SLC25A21: variants seen among roughly 807,000 people sequenced by gnomAD.
SLC25A21 encodes mitochondrial 2-oxodicarboxylate carrier.
Under a neutral mutation model 43.8 loss-of-function variants are expected in SLC25A21, and 47 were observed. That is an observed-to-expected ratio of 1.07 (90% CI 0.85 to 1.37). The LOEUF (loss-of-function observed/expected upper bound fraction) is 1.37. Ranked by LOEUF, SLC25A21 falls within the 40% of genes most tolerant of loss-of-function variation. The pLI, the probability that SLC25A21 is intolerant of heterozygous loss-of-function variation, is 0.00. For synonymous variants in SLC25A21, 131 were observed against 121.3 expected (o/e 1.08, Z -0.52); for missense variants, 352 against 350.2 (o/e 1.00, Z -0.04).
chr14:36,693,074 C>A (rs1395502936), intron 7 of SLC25A21, among the ~76,000 whole-genome samples: 1 of 152,204 alleles, frequency 6.6e-6, no homozygotes, highest in African/African-American at 2.4e-5. Flanking sequence ...CTTAAGGCTG[C>A]AAGCTGGAGG....
At chr14:37,002,442 G>T (rs181587789) in intron 1 of SLC25A21, among the ~76,000 whole-genome samples, 4 of 152,222 alleles carry the variant, frequency 2.6e-5, no homozygotes, top group African/African-American at 9.6e-5. Context: ...TCTGCATGTA[G>T]GATTTTCAGG....
At chr14:36,809,346 T>G (rs1888152624) in intron 3 of SLC25A21, among the ~76,000 whole-genome samples, 1 of 152,198 alleles carries the variant, frequency 6.6e-6, no homozygotes, top group African/African-American at 2.4e-5. Context: ...ACAGTGTCTT[T>G]TGTAAAAACT....
At chr14:37,102,619 T>A (rs1030802459) in intron 1 of SLC25A21, among the ~76,000 whole-genome samples, 9 of 152,038 alleles carry the variant, frequency 5.9e-5, no homozygotes, top group African/African-American at 2.2e-4. Context: ...AAATAAAAAA[T>A]TCAGAACTGA....
intron 5 of SLC25A21, 115 bp downstream of exon 5, chr14:36,729,392 A>G (rs1241396394): frequency 5.0e-6 from 4 of 800,414 alleles, no homozygotes; most frequent in Non-Finnish European, 7.6e-6. Context: ...TGAACACTGA[A>G]TAACTCGAAT....
At chr14:36,958,225 A>G (rs1382299716) in intron 1 of SLC25A21, among the ~76,000 whole-genome samples, 2 of 152,066 alleles carry the variant, frequency 1.3e-5, no homozygotes, top group Non-Finnish European at 2.9e-5. Context: ...CTATGAACCA[A>G]AGAGCACAAA....
intron 1 of SLC25A21, among the ~76,000 whole-genome samples, chr14:36,876,265 C>T (rs1890519801): frequency 6.6e-6 from 1 of 152,212 alleles, no homozygotes; most frequent in Non-Finnish European, 1.5e-5. Context: ...AGGGCCTGTA[C>T]CTACCTGAAG....
intron 1 of SLC25A21, among the ~76,000 whole-genome samples, chr14:36,922,334 G>A (rs1044479998): frequency 6.6e-6 from 1 of 152,092 alleles, no homozygotes; most frequent in Non-Finnish European, 1.5e-5. Context: ...CTCTATGATC[G>A]TTCCTGCATT....
At chr14:37,003,726 G>T (rs2138728286) in intron 1 of SLC25A21, among the ~76,000 whole-genome samples, 1 of 152,322 alleles carries the variant, frequency 6.6e-6, no homozygotes, top group African/African-American at 2.4e-5. Flanking sequence ...TCTGACGTTA[G>T]AACAGTGGTT....
At chr14:36,697,751 C>CTTTTTTT (rs1883096336) in intron 7 of SLC25A21, among the ~76,000 whole-genome samples, 2 of 73,954 alleles carry the variant, frequency 2.7e-5, no homozygotes, top group African/African-American at 6.0e-5. Context: ...TTTTTTTTTG[C>CTTTTTTT]TTTCCATTTG....
At chr14:36,827,916 A>C (rs1397166530) in intron 2 of SLC25A21, among the ~76,000 whole-genome samples, 1 of 152,246 alleles carries the variant, frequency 6.6e-6, no homozygotes, top group Non-Finnish European at 1.5e-5. Context: ...AAACAATTGC[A>C]AATCCCAAGT....
chr14:37,041,755 T>C (rs1246211102), intron 1 of SLC25A21, among the ~76,000 whole-genome samples: 1 of 152,216 alleles, frequency 6.6e-6, no homozygotes, highest in Non-Finnish European at 1.5e-5. Context: ...AACATCTTGC[T>C]GTTTCTGAAC....
intron 1 of SLC25A21, among the ~76,000 whole-genome samples, chr14:37,120,059 T>A (rs1356304717): frequency 6.6e-6 from 1 of 152,216 alleles, no homozygotes; most frequent in African/African-American, 2.4e-5. Flanking sequence ...AAGAATTATA[T>A]TAAAATTTCA....
chr14:37,145,440 AAT>A (rs1337211115), intron 1 of SLC25A21, among the ~76,000 whole-genome samples: 2 of 74,410 alleles, frequency 2.7e-5, no homozygotes, highest in African/African-American at 9.6e-5. Context: ...AAAATACTAA[AAT>A]ACACACACAC....
intron 1 of SLC25A21, among the ~76,000 whole-genome samples, chr14:37,061,190 T>G (rs1209980844): frequency 1.3e-5 from 2 of 152,076 alleles, no homozygotes; most frequent in Non-Finnish European, 2.9e-5. Flanking sequence ...GGTTAAGCCC[T>G]CCTATATTTC....
intron 1 of SLC25A21, among the ~76,000 whole-genome samples, chr14:37,009,349 G>T (rs932847496): frequency 3.3e-5 from 5 of 152,064 alleles, no homozygotes; most frequent in African/African-American, 1.2e-4. Context: ...AGCTGGGTGT[G>T]GTGGTGCATG....
intron 1 of SLC25A21, among the ~76,000 whole-genome samples, chr14:37,007,338 C>A (rs1960626292): frequency 6.6e-6 from 1 of 152,162 alleles, no homozygotes; most frequent in Non-Finnish European, 1.5e-5. Flanking sequence ...TGCGGTGGCT[C>A]ACGCCTGTAA....
At chr14:36,892,754 T>C (rs540942665) in intron 1 of SLC25A21, among the ~76,000 whole-genome samples, 8 of 152,170 alleles carry the variant, frequency 5.3e-5, no homozygotes, top group African/African-American at 1.4e-4. Context: ...TGTGTCCATG[T>C]GTTCTCAATG....
At chr14:37,076,687 C>T (rs549735375) in intron 1 of SLC25A21, among the ~76,000 whole-genome samples, 301 of 151,680 alleles carry the variant, frequency 2.0e-3, no homozygotes, top group African/African-American at 6.8e-3. Context: ...GGGGTTTCAC[C>T]ATGTTGGCCA....
At chr14:36,797,508 A>G (rs1238834881) in intron 3 of SLC25A21, among the ~76,000 whole-genome samples, 1 of 152,244 alleles carries the variant, frequency 6.6e-6, no homozygotes, top group Non-Finnish European at 1.5e-5. Context: ...AAGCTACATG[A>G]AACAGCAGAA....
Sources: allele counts gnomAD v4.1 joint callset (sites outside exome capture counted in the v4.1 genomes callset), GRCh38; gene constraint gnomAD v4.1.1; transcripts MANE v1.5; gene names NCBI Gene and HGNC (gene_info 2026-07-23, HGNC 2026-07-21).